Variants in DMBT1 observed in about 807,000 individuals in gnomAD.
DMBT1 encodes scavenger receptor cysteine-rich domain-containing protein DMBT1.
A neutral mutation model predicts 252.9 loss-of-function variants in DMBT1; 198 were observed. The observed-to-expected ratio is 0.78, with a 90% CI of 0.70 to 0.88. The LOEUF (loss-of-function observed/expected upper bound fraction) is 0.88, where lower values mean the gene tolerates loss of function less well. Ranked by LOEUF, DMBT1 falls within the 40% of genes least tolerant of loss-of-function variation. The pLI, the probability that DMBT1 is intolerant of heterozygous loss-of-function variation, is 0.00. For synonymous variants in DMBT1, 990 were observed against 942.7 expected (o/e 1.05, Z -0.92); for missense variants, 2,432 against 2,404.7 (o/e 1.01, Z -0.24).
rs1359635968 is a variant in DMBT1, at chr10:122,590,720, G to A, written c.2137+26G>A. 1.2e-5 allele frequency: 19 copies of A among 1,584,506 alleles called. 1 individual carries two copies. Among genetic ancestry groups the A allele is most frequent in the Non-Finnish European group, 1.6e-5 (19 of 1,162,604 alleles). The stretch of plus-strand genomic sequence containing the variant: ...GTGAGTCCCCAGTGTCCTTCCTTGG[G>A]ATGTCCCTTTTCTTTCTGCACAATT... On this transcript the variant is annotated intron_variant, in intron 18 of 55. Coordinates refer to ENST00000338354, the MANE Select transcript of DMBT1 (RefSeq NM_001377530.1).
At chr10:122,599,388 T>C (rs761356777) in intron 26 of DMBT1, among the ~76,000 whole-genome samples, 1 of 152,188 alleles carries the variant, frequency 6.6e-6, no homozygotes, top group Non-Finnish European at 1.5e-5. Context: ...ATTTCTCCCC[T>C]GCTGAGTAGC....
rs576824397 is a variant in DMBT1 at position 122,616,985 on chromosome 10, C to T, written c.4859-243C>T. On this transcript the variant is annotated intron_variant, in intron 39 of 55. Coordinates refer to ENST00000338354, the MANE Select transcript of DMBT1 (RefSeq NM_001377530.1). Reference sequence around the variant, plus strand: ...GTGGGATTGCATGGTGGGGGGCATCCTCTAACAGATAGAAAGATACCCCAG... The same window carrying T: ...GTGGGATTGCATGGTGGGGGGCATCTTCTAACAGATAGAAAGATACCCCAG... Among the ~76,000 whole-genome samples, 191 of 128,084 alleles carry T rather than the reference C, an allele frequency of 1.5e-3. 1 individual carries two copies. The highest frequency in any genetic ancestry group is 5.3e-3 in the African/African-American group (167 of 31,422). The allele number at this position is 128,084 out of a possible 152,430, so 84.0% of individuals were successfully genotyped here.
intron 7 of DMBT1, among the ~76,000 whole-genome samples, chr10:122,577,570 C>T (rs904652826): frequency 6.6e-6 from 1 of 152,094 alleles, no homozygotes; most frequent in Non-Finnish European, 1.5e-5. Context: ...GTGGCCGGTC[C>T]CAGGCACCGA....
intron 53 of DMBT1, 34 bp downstream of exon 53, chr10:122,636,233 T>C: frequency 6.4e-7 from 1 of 1,563,750 alleles, no homozygotes; most frequent in Non-Finnish European, 8.8e-7. Flanking sequence ...CTGTTGGGAC[T>C]GGGGACATCC....
chr10:122,623,604 G>A (rs939757593), intron 44 of DMBT1, among the ~76,000 whole-genome samples: 1 of 152,222 alleles, frequency 6.6e-6, no homozygotes, highest in South Asian at 2.1e-4. Context: ...CCTAGTGGGT[G>A]TAAGGTGGTA....
At chr10:122,592,090 C>A (rs1367172615) in intron 19 of DMBT1, among the ~76,000 whole-genome samples, 182 bp from the exon 20 acceptor site, 2 of 148,514 alleles carry the variant, frequency 1.3e-5, no homozygotes, top group East Asian at 2.1e-4. Context: ...TAAACCCAGG[C>A]AGAATAGGGT....
In DMBT1 at chr10:122,592,290, C is replaced by G. The variant is rs1461212861; in HGVS notation, c.2195C>G (p.Thr732Ser). The G allele has an allele frequency of 1.3e-6, 2 of 1,587,112 alleles. No individual in the cohort carries two copies. Among genetic ancestry groups the G allele is most frequent in the Admixed American group, 3.4e-5 (2 of 59,482 alleles). Reference sequence around the variant, plus strand: ...CCTGTAGGATCTGAATCCAGTTTGACCCTGAGGCTGGTGAATGGAAGTGAC... The same window carrying G: ...CCTGTAGGATCTGAATCCAGTTTGAGCCTGAGGCTGGTGAATGGAAGTGAC... ...PSTVGSESSL[T>S]LRLVNGSDRC... The change falls in exon 20 of 56, where the codon ACC (threonine) becomes AGC (serine). Residue 732 changes from threonine (T) to serine (S), a missense_variant. By Grantham distance (58) the Thr-to-Ser change is moderately conservative (BLOSUM62 1). Coordinates refer to ENST00000338354, the MANE Select transcript of DMBT1 (RefSeq NM_001377530.1).
intron 42 of DMBT1, 105 bp downstream of exon 42, chr10:122,619,442 G>C (rs187816552): frequency 3.4e-6 from 5 of 1,483,410 alleles, no homozygotes; most frequent in East Asian, 2.3e-5. Flanking sequence ...ATACTGTGGG[G>C]CATATTATTT....
Position 122,632,873 on chromosome 10 carries a change from AC to A in DMBT1, c.6381del (p.Asn2127LysfsTer49). ...NHLSTPAPFLNITRPNTDYSC... is the reference protein window; with the variant it reads ...NHLSTPAPFLXITRPNTDYSC... The stretch of plus-strand genomic sequence containing the variant: ...TTTTTGTCAACAGCTCCTTTTCTCA[AC>A]ATCACCCGTCCAAACAGTAAGTTCT... On this transcript the variant is annotated frameshift_variant, in exon 51 of 56. Transcript: ENST00000338354. LOFTEE classifies it high-confidence loss of function. 6.2e-7 allele frequency: 1 copy of A among 1,613,830 alleles called. No individual in the cohort carries two copies. The highest frequency in any genetic ancestry group is 8.5e-7 in the Non-Finnish European group (1 of 1,179,852).
Position 122,590,651 on chromosome 10 carries a change from C to A in DMBT1, c.2108-14C>A. 6.3e-7 allele frequency: 1 copy of A among 1,587,852 alleles called. No individual in the cohort carries two copies. The highest frequency in any genetic ancestry group is 8.6e-7 in the Non-Finnish European group (1 of 1,165,366). ...CTGTATAGTGCATCTGATCTGACCT[C>A]CTCTTTCTCACAGCTGCCCAGTCCC... On this transcript the variant is annotated splice_polypyrimidine_tract_variant and intron_variant, in intron 17 of 55. Transcript: ENST00000338354.
rs1333918123 is a variant in DMBT1, at chr10:122,565,980, A to C, written c.75A>C (p.Pro25=). 6.2e-7 allele frequency: 1 copy of C among 1,613,976 alleles called. No individual in the cohort carries two copies. The highest frequency in any genetic ancestry group is 1.1e-5 in the South Asian group (1 of 91,066). The change falls in exon 2 of 56, where the codon CCA becomes CCC. Residue 25 remains proline, a synonymous_variant. Transcript: ENST00000338354. ...TGTTCTTTCCAGGTGGGTGGATCCC[A>C]AGGACTACAGACTACGGTAAGACCT... ...GQVLSTGGWI[P]RTTDYASLIP...
Position 122,573,710 on chromosome 10 carries a change from T to C in DMBT1, c.236-5T>C. On this transcript the variant is annotated splice_region_variant and splice_polypyrimidine_tract_variant and intron_variant, in intron 5 of 55. Coordinates refer to ENST00000338354, the MANE Select transcript of DMBT1 (RefSeq NM_001377530.1). ...CAATGAGCTCTTCCTTTCTCCACCCTGCAGGTTCTCTGATTCCCTCAGAGT... is the reference window on the plus strand; with the variant it reads ...CAATGAGCTCTTCCTTTCTCCACCCCGCAGGTTCTCTGATTCCCTCAGAGT... The C allele has an allele frequency of 1.2e-6, 2 of 1,613,912 alleles. No homozygotes were observed. Among genetic ancestry groups the C allele is most frequent in the Non-Finnish European group, 1.7e-6 (2 of 1,179,832 alleles).
Position 122,640,391 on chromosome 10 carries a change from G to A in DMBT1, c.7294G>A (p.Val2432Met), listed in dbSNP as rs368058687. The change falls in exon 55 of 56, where the codon GTG (valine) becomes ATG (methionine). Residue 2432 changes from valine (V) to methionine (M), a missense_variant. Physicochemically the swap from Val to Met is conservative, Grantham distance 21. Transcript: ENST00000338354. ...ACTGACCTTGTTTGTGGACACCTGC[G>A]TGGCATCACCATACTCCAATGACTT... ...AVLTLFVDTC[V>M]ASPYSNDFTS... The A allele has an allele frequency of 2.1e-5, 34 of 1,613,848 alleles. No individual in the cohort carries two copies. The highest frequency in any genetic ancestry group is 1.5e-4 in the African/African-American group (11 of 74,908).
At chr10:122,633,086 A>T (rs1448021897) in intron 51 of DMBT1, 105 bp from the exon 52 acceptor site, 4 of 1,503,438 alleles carry the variant, frequency 2.7e-6, no homozygotes, top group Non-Finnish European at 3.6e-6. Flanking sequence ...TGTCTTGGGA[A>T]TTATTTTATA....
intron 52 of DMBT1, 74 bp from the exon 53 acceptor site, chr10:122,635,917 C>G (rs1048333887): frequency 1.0e-4 from 155 of 1,525,450 alleles, no homozygotes; most frequent in Non-Finnish European, 1.3e-4. Flanking sequence ...AGGTGTGACC[C>G]CACCCTGAGA....
chr10:122,575,737 C>T (rs1173036013), intron 6 of DMBT1, among the ~76,000 whole-genome samples: 2 of 152,132 alleles, frequency 1.3e-5, no homozygotes, highest in African/African-American at 4.8e-5. Context: ...TACACAGTGA[C>T]CTTCTGGATC....
intron 52 of DMBT1, among the ~76,000 whole-genome samples, chr10:122,634,435 TCTCTCTCTCTCTCTCTCTCTCTC>T (rs2098203557): frequency 2.8e-5 from 1 of 35,230 alleles, no homozygotes; most frequent in African/African-American, 9.8e-5. Flanking sequence ...CTCTCTTCTC[TCTCTCTCTCTCTCTCTCTCTCTC>T]TCTCTCTCTC....
intron 3 of DMBT1, among the ~76,000 whole-genome samples, 157 bp from the exon 4 acceptor site, chr10:122,570,733 G>A (rs747452537): frequency 1.3e-5 from 2 of 152,098 alleles, no homozygotes; most frequent in East Asian, 1.9e-4. Context: ...GAGCCAGTAC[G>A]GTAACACAGT....
chr10:122,571,264 C>G (rs1406451055), intron 4 of DMBT1, among the ~76,000 whole-genome samples: 1 of 152,180 alleles, frequency 6.6e-6, no homozygotes, highest in Non-Finnish European at 1.5e-5. Context: ...CCTTCTGAAG[C>G]TGGACGTGGT....
Sources: gnomAD v4.1 joint callset for allele counts (sites outside exome capture counted in the v4.1 genomes callset) on GRCh38, gnomAD v4.1.1 for gene constraint, MANE v1.5 for transcripts, NCBI Gene and HGNC (gene_info 2026-07-23, HGNC 2026-07-21) for gene names.